The following CORO1C variants were observed in gnomAD, a reference collection of about 807,000 sequenced individuals.
CORO1C encodes the protein coronin-1C.
A neutral mutation model predicts 51.2 loss-of-function variants in CORO1C; 14 were observed. The ratio of observed to expected loss-of-function variants is 0.27; its 90% confidence interval spans 0.18 to 0.43. The LOEUF is 0.43. Among genes scored for constraint, CORO1C ranks in the 20% least tolerant of loss-of-function variants. The probability of loss-of-function intolerance (pLI) is 1.00; values close to 1 mark genes in which losing one functional copy is unlikely to be tolerated. For missense variants in CORO1C, 417 were observed against 607.8 expected, an observed-to-expected ratio of 0.69 and a Z score of 3.30; for synonymous variants, 181 against 210.5, an observed-to-expected ratio of 0.86 and a Z score of 1.21.
rs1489079711 is a variant in CORO1C at position 108,662,041 on chromosome 12, G to A, written c.436C>T (p.Leu146Phe). ...VAWHPTARNV[L>F]LSAGCDNAII... is the part of the protein sequence containing the mutation. ...GCTCAGCTCCCACCTGCACTAAGAA[G>A]CACATTGCGGGCCGTTGGATGCCAA... Residue 146 changes from leucine to phenylalanine, a missense_variant, in exon 4 of 11, where the codon CTT becomes TTT. Leu to Phe is a conservative substitution (Grantham distance 22). Transcript: ENST00000261401. The A allele has an allele frequency of 6.2e-7, 1 of 1,614,010 alleles. No individual in the cohort carries two copies. Among genetic ancestry groups the A allele is most frequent in the African/African-American group, 1.3e-5 (1 of 74,916 alleles).
At chr12:108,729,104 C>T (rs867157597) in intron 1 of CORO1C, among the ~76,000 whole-genome samples, 12 of 152,194 alleles carry the variant, frequency 7.9e-5, no homozygotes, top group Non-Finnish European at 1.5e-4. Flanking sequence ...GACATACCCA[C>T]TTATATAACT....
At chr12:108,656,160 G>A (rs2032978863) in intron 6 of CORO1C, among the ~76,000 whole-genome samples, 1 of 49,080 alleles carries the variant, frequency 2.0e-5, no homozygotes, top group Admixed American at 3.0e-4. Flanking sequence ...CCCCGTCTGA[G>A]AAGTGAGGAG....
At chr12:108,716,993 T>C (rs1489762912) in intron 1 of CORO1C, among the ~76,000 whole-genome samples, 2 of 152,152 alleles carry the variant, frequency 1.3e-5, no homozygotes, top group African/African-American at 4.8e-5. Context: ...GAGCTTACAG[T>C]CCACTGCAGG....
Position 108,710,634 on chromosome 12 carries a change from G to A in CORO1C, c.-5-9311C>T, listed in dbSNP as rs372370396. 9.3e-5 allele frequency among the ~76,000 whole-genome samples: 14 copies of A among 150,420 alleles called. No individual in the cohort carries two copies. The East Asian group carries it at 1.4e-3, about 15-fold the overall frequency. On this transcript the variant is annotated intron_variant, in intron 1 of 10. Transcript: ENST00000261401. ...GGCTGGAGTGCAGTGGCACAATCTC[G>A]GCTCACTGCAACCTCCACCTCCCAG...
intron 7 of CORO1C, 93 bp from the exon 8 acceptor site, chr12:108,652,510 T>C (rs1012765143): frequency 5.2e-6 from 5 of 965,108 alleles, no homozygotes; most frequent in East Asian, 2.4e-5. Context: ...CCAGCAGTAG[T>C]TGGGACCCCG....
At position 108,731,175 on chromosome 12, in the gene CORO1C, T is replaced by C. The variant is rs559861683; in HGVS notation, c.-6+254A>G. 7.1e-4 allele frequency: 108 copies of C among 152,850 alleles called. No homozygotes were observed. The highest frequency in any genetic ancestry group is 6.3e-3 in the South Asian group (32 of 5,068). 9.5% of individuals were successfully genotyped at this position (152,850 alleles called of 1,614,324 possible). On this transcript the variant is annotated intron_variant, in intron 1 of 10. Transcript: ENST00000261401. This position sits in a 1 kb window ranked among gnomAD's most constrained non-coding sequence, Gnocchi z 5.2. Reference sequence around the variant, plus strand: ...GCCTCCTCCCCACAGGGACCCTGCTTCACGCTCCCCACGCCACCTGGTTCG... The same window carrying C: ...GCCTCCTCCCCACAGGGACCCTGCTCCACGCTCCCCACGCCACCTGGTTCG...
intron 3 of CORO1C, among the ~76,000 whole-genome samples, chr12:108,671,109 G>A (rs2033700494): frequency 6.6e-6 from 1 of 152,092 alleles, no homozygotes. Context: ...AAGGTGGGAG[G>A]AATGCTTGAG....
At chr12:108,689,343 A>C (rs1270854297) in intron 2 of CORO1C, among the ~76,000 whole-genome samples, 1 of 152,262 alleles carries the variant, frequency 6.6e-6, no homozygotes, top group Non-Finnish European at 1.5e-5. Flanking sequence ...ACAAAGTAAT[A>C]AATTCCCATG....
chr12:108,647,695 G>A (rs1051641491), intron 10 of CORO1C, among the ~76,000 whole-genome samples, 173 bp from the exon 11 acceptor site: 1 of 152,196 alleles, frequency 6.6e-6, no homozygotes, highest in Non-Finnish European at 1.5e-5. Flanking sequence ...TGAATGCAAT[G>A]AGCACTGGCC....
intron 3 of CORO1C, 54 bp from the exon 4 acceptor site, chr12:108,662,212 C>T: frequency 1.3e-6 from 2 of 1,528,066 alleles, no homozygotes; most frequent in Non-Finnish European, 1.8e-6. Flanking sequence ...CTTTCATTAT[C>T]ACATTTACAG....
At chr12:108,655,551 C>G (rs1294810025) in intron 6 of CORO1C, among the ~76,000 whole-genome samples, 2 of 152,224 alleles carry the variant, frequency 1.3e-5, no homozygotes, top group African/African-American at 4.8e-5. Context: ...GACTGGTTTT[C>G]GTATTTTTTT....
chr12:108,651,066 C>T (rs1158697228), intron 8 of CORO1C, among the ~76,000 whole-genome samples: 1 of 152,252 alleles, frequency 6.6e-6, no homozygotes, highest in Non-Finnish European at 1.5e-5. Flanking sequence ...ATTCTCCTGA[C>T]TCTGCCTCCC....
chr12:108,724,295 C>A (rs2136889910), intron 1 of CORO1C, among the ~76,000 whole-genome samples: 1 of 152,312 alleles, frequency 6.6e-6, no homozygotes, highest in East Asian at 1.9e-4. Context: ...GGGTCAAAGA[C>A]TACAAAGGGA....
chr12:108,667,414 A>T (rs138119208), intron 3 of CORO1C, among the ~76,000 whole-genome samples: 59 of 152,368 alleles, frequency 3.9e-4, no homozygotes, highest in African/African-American at 1.4e-3. Context: ...CAGTGAGTGC[A>T]GAGGAAAACA....
chr12:108,654,415 G>A lies in CORO1C; in HGVS notation c.751-5C>T, dbSNP rs1786179564. 1 of 1,557,036 alleles carries A rather than the reference G, an allele frequency of 6.4e-7. No individual in the cohort carries two copies. The highest frequency in any genetic ancestry group is 8.9e-7 in the Non-Finnish European group (1 of 1,129,402). ...AATTGGTTCCTGCATATTTTTCTGG[G>A]GGGAAGATAATAATAATACATATAT... is the stretch of plus-strand genomic sequence containing the variant. On this transcript the variant is annotated splice_region_variant and splice_polypyrimidine_tract_variant and intron_variant, in intron 6 of 10. Transcript: ENST00000261401.
At chr12:108,728,775 T>C (rs1300548580) in intron 1 of CORO1C, among the ~76,000 whole-genome samples, 1 of 152,176 alleles carries the variant, frequency 6.6e-6, no homozygotes, top group Non-Finnish European at 1.5e-5. Flanking sequence ...CATACTGAAA[T>C]ATTCATGAAG....
At chr12:108,671,290 A>ACTCCAG (rs1294734835) in intron 3 of CORO1C, among the ~76,000 whole-genome samples, 9 of 152,158 alleles carry the variant, frequency 5.9e-5, no homozygotes, top group Admixed American at 1.3e-4. Context: ...GTGCCACTGT[A>ACTCCAG]CTCCAGCCTG....
At chr12:108,652,620 C>G (rs1307569719) in intron 7 of CORO1C, among the ~76,000 whole-genome samples, 2 of 152,192 alleles carry the variant, frequency 1.3e-5, no homozygotes, top group Non-Finnish European at 2.9e-5. Context: ...CAAATGCTAG[C>G]ATGCCTTTTA....
At chr12:108,695,213 A>G (rs2034632980) in intron 2 of CORO1C, among the ~76,000 whole-genome samples, 2 of 152,224 alleles carry the variant, frequency 1.3e-5, no homozygotes, top group Non-Finnish European at 2.9e-5. Flanking sequence ...GAGCTGCTGG[A>G]GTATCCTCAC....
Sources: allele counts gnomAD v4.1 joint callset (sites outside exome capture counted in the v4.1 genomes callset), GRCh38; gene constraint gnomAD v4.1.1; non-coding constraint Gnocchi (gnomAD v3.1); transcripts MANE v1.5; gene names NCBI Gene and HGNC (gene_info 2026-07-23, HGNC 2026-07-21).